CCNB3: variants seen among roughly 807,000 people sequenced by gnomAD.
CCNB3 encodes G2/mitotic-specific cyclin-B3.
Under a neutral mutation model 68.0 loss-of-function variants are expected in CCNB3, and 12 were observed. The ratio of observed to expected loss-of-function variants is 0.18; its 90% CI spans 0.11 to 0.29. The LOEUF (loss-of-function observed/expected upper bound fraction) is 0.29, where lower values mean the gene tolerates loss of function less well. Ranked by LOEUF, CCNB3 falls within the 10% of genes least tolerant of loss-of-function variation. The pLI, the probability that CCNB3 is intolerant of heterozygous loss-of-function variation, is 1.00. For synonymous variants in CCNB3, 354 were observed against 388.9 expected, an observed-to-expected ratio of 0.91 and a Z score of 1.06; for missense variants, 904 against 993.1, an observed-to-expected ratio of 0.91 and a Z score of 1.21.
At chrX:50,348,234 G>A (rs1400821090) in intron 11 of CCNB3, among the ~76,000 whole-genome samples, 1 of 111,491 alleles carries the variant, frequency 9.0e-6, no homozygotes, top group African/African-American at 3.3e-5. Flanking sequence ...GGCACTCAGG[G>A]GCATGACTAT....
At chrX:50,337,368 G>C (rs1420851778) in intron 8 of CCNB3, among the ~76,000 whole-genome samples, 1 of 110,856 alleles carries the variant, frequency 9.0e-6, no homozygotes, top group Non-Finnish European at 1.9e-5. Context: ...GGTGGGTGGA[G>C]TGACAGCCTT....
At chrX:50,218,428 C>T (rs1303379111) in intron 1 of CCNB3, among the ~76,000 whole-genome samples, 2 of 111,084 alleles carry the variant, frequency 1.8e-5, no homozygotes, top group East Asian at 2.8e-4. Context: ...CTATTCCTCC[C>T]CTAGGCCCCC....
chrX:50,336,802 A>G (rs782230141), intron 8 of CCNB3, among the ~76,000 whole-genome samples: 2 of 110,727 alleles, frequency 1.8e-5, no homozygotes, highest in South Asian at 3.9e-4. Flanking sequence ...GAATTCTTCT[A>G]TATTCTTGAG....
chrX:50,280,304 A>C (rs954800483), intron 1 of CCNB3, among the ~76,000 whole-genome samples: 10 of 101,230 alleles, frequency 9.9e-5, no homozygotes, highest in Non-Finnish European at 1.8e-4. Flanking sequence ...AGATATAAAT[A>C]TATATATAGA....
Position 50,303,255 on chromosome X carries a change from C to T in CCNB3, c.336-5250C>T, listed in dbSNP as rs1426193416. On this transcript the variant is annotated intron_variant, in intron 5 of 12. Transcript: ENST00000376042. ...CTGCCTCCTGGATTCCAGTGGTTCT[C>T]GTGCCTCAGCCTCCTGAGTAGCTGG... is the stretch of plus-strand genomic sequence containing the variant. Among the ~76,000 whole-genome samples the T allele has an allele frequency of 3.6e-5, 4 of 111,278 alleles. No individual in the cohort carries two copies. In the East Asian group the frequency reaches 8.5e-4, roughly 24 times the overall value.
At chrX:50,329,160 T>A (rs1602239776) in intron 8 of CCNB3, among the ~76,000 whole-genome samples, 1 of 111,773 alleles carries the variant, frequency 8.9e-6, no homozygotes, top group East Asian at 2.8e-4. Context: ...GCTCTACAAT[T>A]CTGGGGTCTG....
chrX:50,211,725 G>A (rs1935486264), intron 1 of CCNB3, among the ~76,000 whole-genome samples: 1 of 111,285 alleles, frequency 9.0e-6, no homozygotes, highest in African/African-American at 3.3e-5. Context: ...CTAGGAGATC[G>A]CAGCTGTTGG....
chrX:50,334,682 C>A (rs1922763303), intron 8 of CCNB3, among the ~76,000 whole-genome samples: 1 of 112,336 alleles, frequency 8.9e-6, no homozygotes, highest in Non-Finnish European at 1.9e-5. Flanking sequence ...TTTGTCAAAT[C>A]TGGTAGTCCT....
At position 50,308,920 on chromosome X, in the gene CCNB3, G is replaced by C. The variant is rs781804679; in HGVS notation, c.751G>C (p.Val251Leu). Residue 251 changes from valine to leucine, a missense_variant, in exon 6 of 13, where the codon GTG becomes CTG. Coordinates refer to ENST00000376042, the MANE Select transcript of CCNB3 (RefSeq NM_033031.3). ...GTCCTGCCAGGAAGAGTCGTTGGCT[G>C]TGCAGGATGTCAATATGGAAGAGGA... ...KQSCQEESLA[V>L]QDVNMEEDSF... The C allele has an allele frequency of 8.3e-7, 1 of 1,209,774 alleles. No individual in the cohort carries two copies. The highest frequency in any genetic ancestry group is 1.7e-5 in the African/African-American group (1 of 57,199).
chrX:50,289,034 G>A (rs1465836058), intron 4 of CCNB3, 147 bp downstream of exon 4: 1 of 420,719 alleles, frequency 2.4e-6, no homozygotes, highest in East Asian at 3.8e-5. Context: ...TTCAGAAACT[G>A]CAGGGGCTCT....
intron 8 of CCNB3, among the ~76,000 whole-genome samples, chrX:50,332,475 T>C (rs1922644905): frequency 1.8e-5 from 2 of 111,758 alleles, no homozygotes; most frequent in Non-Finnish European, 3.8e-5. Context: ...AGTGGAGGTT[T>C]TTACTATACA....
intron 1 of CCNB3, among the ~76,000 whole-genome samples, chrX:50,226,182 G>C (rs1225705448): frequency 5.6e-4 from 18 of 32,054 alleles, no homozygotes; most frequent in African/African-American, 1.7e-3. Flanking sequence ...TACATATATA[G>C]ATATATAAAT....
intron 8 of CCNB3, among the ~76,000 whole-genome samples, chrX:50,330,325 A>G (rs909801514): frequency 1.8e-5 from 2 of 111,635 alleles, no homozygotes; most frequent in Non-Finnish European, 3.8e-5. Context: ...TCAGGGGTCA[A>G]TTTTTAACTA....
chrX:50,351,608 G>C lies in CCNB3; in HGVS notation c.4093G>C (p.Val1365Leu), dbSNP rs1036055783. The C allele has an allele frequency of 5.0e-6, 6 of 1,209,445 alleles. No homozygotes were observed. Among genetic ancestry groups the C allele is most frequent in the Non-Finnish European group, 6.7e-6 (6 of 893,741 alleles). The change falls in exon 13 of 13, where the codon GTC becomes CTC. Residue 1365 changes from valine (V) to leucine (L), a missense_variant and splice_region_variant. By Grantham distance (32) the Val-to-Leu change is conservative (BLOSUM62 1). This residue lies in a region of CCNB3 where 285 missense variants were observed against 383.4 expected (regional missense o/e 0.74). Coordinates refer to ENST00000376042, the MANE Select transcript of CCNB3 (RefSeq NM_033031.3). ...AGGAGACCCCTCTTCCTTTTGCAGG[G>C]TCTTCTTTGAAGTCGCCAAAATCCC... ...KAVYYKYSHP[V>L]FFEVAKIPAL... is the part of the protein sequence containing the mutation.
chrX:50,330,373 GATTTCACT>G (rs1557217905), intron 8 of CCNB3, among the ~76,000 whole-genome samples: 3 of 111,863 alleles, frequency 2.7e-5, no homozygotes, highest in Non-Finnish European at 5.6e-5. Flanking sequence ...TCTGACTACT[GATTTCACT>G]TCTGCCTTTA....
chrX:50,342,889 T>C (rs1438149311), intron 9 of CCNB3, among the ~76,000 whole-genome samples: 1 of 110,407 alleles, frequency 9.1e-6, no homozygotes, highest in Non-Finnish European at 1.9e-5. Flanking sequence ...AGAAATTTTT[T>C]TGTAGGGGTG....
At chrX:50,316,683 A>G (rs1557215817) in intron 8 of CCNB3, among the ~76,000 whole-genome samples, 2 of 112,350 alleles carry the variant, frequency 1.8e-5, no homozygotes, top group African/African-American at 6.5e-5. Flanking sequence ...TTTCAAGAAT[A>G]TTGTATAAAT....
intron 1 of CCNB3, among the ~76,000 whole-genome samples, chrX:50,279,506 T>C (rs1279775071): frequency 1.2e-5 from 1 of 83,245 alleles, no homozygotes; most frequent in African/African-American, 4.5e-5. Flanking sequence ...TATATATGAA[T>C]GTATTTATTC....
chrX:50,310,140 G>A lies in CCNB3; in HGVS notation c.1971G>A (p.Glu657=). 8.3e-7 allele frequency: 1 copy of A among 1,211,194 alleles called. No individual in the cohort carries two copies. Among genetic ancestry groups the A allele is most frequent in the Non-Finnish European group, 1.1e-6 (1 of 894,948 alleles). The stretch of plus-strand genomic sequence containing the variant: ...TGCAGGAAGTGTCCCTCTCAAAAGA[G>A]TCATTGGCCATCCAAGAGAAGGCTA... ...TTLQEVSLSK[E]SLAIQEKATT... The change falls in exon 6 of 13, where the codon GAG becomes GAA. Residue 657 remains glutamate, a synonymous_variant. Coordinates refer to ENST00000376042, the MANE Select transcript of CCNB3 (RefSeq NM_033031.3).
Sources: gnomAD v4.1 joint callset for allele counts (sites outside exome capture counted in the v4.1 genomes callset) on GRCh38, gnomAD v4.1.1 for gene constraint, gnomAD v4.1.1 regional missense constraint, MANE v1.5 for transcripts, NCBI Gene and HGNC (gene_info 2026-07-23, HGNC 2026-07-21) for gene names.